The following CEP295 variants were observed in gnomAD, a reference collection of about 807,000 sequenced individuals.
CEP295 encodes the protein centrosomal protein 295, also known as centrosomal protein of 295 kDa.
Under a neutral mutation model 291.6 loss-of-function variants are expected in CEP295, and 190 were observed. The ratio of observed to expected loss-of-function variants is 0.65; its 90% CI spans 0.58 to 0.73. The LOEUF (loss-of-function observed/expected upper bound fraction) is 0.73, where lower values mean the gene tolerates loss of function less well. CEP295 is among the 30% of genes least tolerant of loss of function. The probability of loss-of-function intolerance (pLI) is 0.00; values close to 1 mark genes in which losing one functional copy is unlikely to be tolerated. For missense variants in CEP295, 2,863 were observed against 2,949.4 expected (o/e 0.97, Z 0.68); for synonymous variants, 993 against 1,038.8 (o/e 0.96, Z 0.85).
chr11:93,703,520 C>T (rs1952307963), intron 17 of CEP295, among the ~76,000 whole-genome samples: 1 of 151,424 alleles, frequency 6.6e-6, no homozygotes. Context: ...CAGTCTTGCT[C>T]CCCGTTTCCT....
Position 93,695,477 on chromosome 11 carries a change from A to G in CEP295, c.1534-20A>G. 2 of 1,403,292 alleles carry G rather than the reference A, an allele frequency of 1.4e-6. No homozygotes were observed. Among genetic ancestry groups the G allele is most frequent in the Non-Finnish European group, 1.9e-6 (2 of 1,075,408 alleles). The allele number at this position is 1,403,292 out of a possible 1,614,324, so 86.9% of individuals were successfully genotyped here. A position where few individuals can be genotyped will look rare whatever the true frequency, so the allele number is the denominator to read the frequency against. ...TGTATGAGTTTGTTGTTAATAGATCAATAGTATTTTGTTACCTAGATAATG... is the reference window on the plus strand; with the variant it reads ...TGTATGAGTTTGTTGTTAATAGATCGATAGTATTTTGTTACCTAGATAATG... On this transcript the variant is annotated intron_variant, in intron 12 of 29. Transcript: ENST00000325212.
intron 23 of CEP295, chr11:93,726,717 T>C (rs367582934): frequency 1.6e-5 from 5 of 320,698 alleles, no homozygotes; most frequent in African/African-American, 2.1e-5. Context: ...TCAGTTCTTA[T>C]AGAGGAAAAC....
chr11:93,702,236 G>A (rs1218166475), intron 15 of CEP295, among the ~76,000 whole-genome samples: 2 of 152,308 alleles, frequency 1.3e-5, no homozygotes, highest in East Asian at 1.9e-4. Context: ...TGGGATTGCA[G>A]GCGTGAGCCA....
At chr11:93,712,856 T>TTTGTTG (rs56969423) in intron 18 of CEP295, among the ~76,000 whole-genome samples, 6,320 of 148,840 alleles carry the variant, frequency 0.042, 303 homozygotes, top group Admixed American at 0.17. Flanking sequence ...TTTCTTCTGT[T>TTTGTTG]TTGTTGTTGT....
intron 5 of CEP295, among the ~76,000 whole-genome samples, chr11:93,670,988 T>C (rs914470976): frequency 2.0e-5 from 3 of 152,090 alleles, no homozygotes; most frequent in Admixed American, 2.0e-4. Flanking sequence ...GTTCCAGCGA[T>C]CCTCCCACCT....
intron 18 of CEP295, among the ~76,000 whole-genome samples, chr11:93,708,900 G>A (rs1952702479): frequency 6.6e-6 from 1 of 152,152 alleles, no homozygotes; most frequent in African/African-American, 2.4e-5. Context: ...GATCACTGGT[G>A]TTGATTGAGC....
At position 93,697,299 on chromosome 11, in the gene CEP295, G is replaced by A; in HGVS notation, c.2387G>A (p.Ser796Asn). ...CCACTGGTACCTCAGCATTCTTTTA[G>A]TTCTCTGCCTGTTAAAGTTGAGTCA... is the stretch of plus-strand genomic sequence containing the variant. The part of the protein sequence containing the change: ...FVPLVPQHSF[S>N]SLPVKVESGK... Residue 796 changes from serine (S) to asparagine (N), a missense_variant, in exon 15 of 30, where the codon AGT becomes AAT. Around this residue, in one of 3 missense-constraint regions of CEP295, gnomAD observed 2,295 missense variants for 2,335.7 expected, o/e 0.98. Coordinates refer to ENST00000325212, the MANE Select transcript of CEP295 (RefSeq NM_033395.2). The A allele has an allele frequency of 6.4e-7, 1 of 1,551,702 alleles. No individual in the cohort carries two copies. The highest frequency in any genetic ancestry group is 8.7e-7 in the Non-Finnish European group (1 of 1,146,998).
chr11:93,699,650 C>T lies in CEP295; in HGVS notation c.4738C>T (p.Arg1580Cys), dbSNP rs370850174. 5 of 1,551,438 alleles carry T rather than the reference C, an allele frequency of 3.2e-6. No homozygotes were observed. The highest frequency in any genetic ancestry group is 1.4e-5 in the African/African-American group (1 of 73,038). ...TAATGATACTCTTCCCTCAAGTCAT[C>T]GTGAGATTCCAAGATTACAGGATAG... ...KSNDTLPSSH[R>C]EIPRLQDRLL... The change falls in exon 15 of 30, where the codon CGT (arginine) becomes TGT (cysteine). Residue 1580 changes from arginine (R) to cysteine (C), a missense_variant. Around this residue, in one of 3 missense-constraint regions of CEP295, gnomAD observed 2,295 missense variants for 2,335.7 expected, o/e 0.98. Transcript: ENST00000325212.
Position 93,725,684 on chromosome 11 carries a change from A to G in CEP295, c.6352A>G (p.Thr2118Ala), listed in dbSNP as rs766926104. 6.9e-5 allele frequency: 107 copies of G among 1,550,122 alleles called. No homozygotes were observed. Among genetic ancestry groups the G allele is most frequent in the Non-Finnish European group, 9.0e-5 (103 of 1,146,736 alleles). The change falls in exon 23 of 30, where the codon ACT becomes GCT. Residue 2118 changes from threonine to alanine, a missense_variant. Coordinates refer to ENST00000325212, the MANE Select transcript of CEP295 (RefSeq NM_033395.2). ...TTCTTCATCTGAAAGCCACTGTGCT[A>G]CTGGATTATCCAAAAGTACAGTTTA... is the stretch of plus-strand genomic sequence containing the variant. ...SDSSSESHCA[T>A]GLSKSTVYFT...
chr11:93,681,920 A>C (rs10831090), intron 7 of CEP295, among the ~76,000 whole-genome samples: 53,519 of 151,112 alleles, frequency 0.35, 9,995 homozygotes, highest in South Asian at 0.49. Flanking sequence ...GTGAGGATTC[A>C]ATGAGTTTTC....
chr11:93,724,876 T>C lies in CEP295; in HGVS notation c.6318+501T>C, dbSNP rs554533894. ...ACACCCTAGACCAATTAAAGCAGAG[T>C]TTCTGGGAGTGCTCAGATAGTACTA... On this transcript the variant is annotated intron_variant, in intron 22 of 29. Coordinates refer to ENST00000325212, the MANE Select transcript of CEP295 (RefSeq NM_033395.2). 1.6e-3 allele frequency among the ~76,000 whole-genome samples: 241 copies of C among 152,096 alleles called. 2 individuals are homozygous for C. Among genetic ancestry groups the C allele is most frequent in the Middle Eastern group, 3.4e-3 (1 of 294 alleles).
chr11:93,683,527 T>C (rs1055095957), intron 7 of CEP295, 32 bp from the exon 8 acceptor site: 1 of 1,454,974 alleles, frequency 6.9e-7, no homozygotes, highest in South Asian at 1.4e-5. Context: ...AGTTTGTGAC[T>C]CAGTTTTTGT....
intron 10 of CEP295, among the ~76,000 whole-genome samples, chr11:93,691,333 C>A (rs994260442): frequency 5.9e-5 from 9 of 152,216 alleles, no homozygotes; most frequent in Non-Finnish European, 8.8e-5. Context: ...AACCTAGTAT[C>A]CAAATATATC....
Position 93,729,543 on chromosome 11 carries a change from C to T in CEP295, c.7399+13C>T, listed in dbSNP as rs777668296. 16 of 1,549,208 alleles carry T rather than the reference C, an allele frequency of 1.0e-5. No homozygotes were observed. The highest frequency in any genetic ancestry group is 3.6e-5 in the South Asian group (3 of 84,022). ...ACAGCATCTACAGGTAAGCCTTGGACGGCCTCCACACTTCTAATGGAAAGT... is the reference window on the plus strand; with the variant it reads ...ACAGCATCTACAGGTAAGCCTTGGATGGCCTCCACACTTCTAATGGAAAGT... On this transcript the variant is annotated intron_variant, in intron 26 of 29. Coordinates refer to ENST00000325212, the MANE Select transcript of CEP295 (RefSeq NM_033395.2).
intron 9 of CEP295, 77 bp downstream of exon 9, chr11:93,684,205 A>C: frequency 7.7e-7 from 1 of 1,302,256 alleles, no homozygotes. Context: ...GCAGTTAGGA[A>C]AATCTGGTCT....
rs78205695 is a variant in CEP295, at chr11:93,700,096, G to A, written c.5184G>A (p.Gln1728=). The A allele has an allele frequency of 4.0e-3, 6,192 of 1,551,640 alleles. 152 individuals carry two copies. In the East Asian group the frequency reaches 0.069, roughly 17 times the overall value. Residue 1728 remains glutamine, a synonymous_variant, in exon 15 of 30, where the codon CAG becomes CAA. Transcript: ENST00000325212. ...TTCTGCATTATAGCCAGAAAGCCCA[G>A]GAAAAATTGCTTGTACAGAGACAAA... The part of the protein sequence containing the change: ...REVLHYSQKA[Q]EKLLVQRQTA...
At chr11:93,707,625 TG>T (rs1220232409) in intron 18 of CEP295, among the ~76,000 whole-genome samples, 22 of 151,920 alleles carry the variant, frequency 1.4e-4, no homozygotes, top group Non-Finnish European at 2.8e-4. Flanking sequence ...CCGGGTGTAG[TG>T]GTGGTCACCT....
In CEP295 at chr11:93,697,047, A is replaced by C. The variant is rs1412015699; in HGVS notation, c.2135A>C (p.Gln712Pro). The C allele has an allele frequency of 6.4e-6, 10 of 1,551,504 alleles. No homozygotes were observed. The East Asian group carries it at 2.0e-4, about 30-fold the overall frequency. ...TTAGAATCACAAGAACATCTAAGGC[A>C]ATTCTCTCAGACTGAAACACAACAG... is the stretch of plus-strand genomic sequence containing the variant. ...QALESQEHLR[Q>P]FSQTETQQRD... The change falls in exon 15 of 30, where the codon CAA becomes CCA. Residue 712 changes from glutamine to proline, a missense_variant. Gln to Pro is a moderately conservative substitution (Grantham distance 76). Transcript: ENST00000325212.
At chr11:93,724,833 A>C (rs1479697667) in intron 22 of CEP295, among the ~76,000 whole-genome samples, 1 of 152,058 alleles carries the variant, frequency 6.6e-6, no homozygotes, top group East Asian at 1.9e-4. Flanking sequence ...AATAAAAATA[A>C]ATCCTATTGT....
Sources: allele counts gnomAD v4.1 joint callset (sites outside exome capture counted in the v4.1 genomes callset), GRCh38; gene constraint gnomAD v4.1.1; regional missense constraint gnomAD v4.1.1; transcripts MANE v1.5; gene names NCBI Gene and HGNC (gene_info 2026-07-23, HGNC 2026-07-21).